MAX: variants seen among roughly 807,000 people sequenced by gnomAD.
MAX encodes the protein protein max.
MAX carries 3 observed loss-of-function variants against 22.3 expected under a neutral mutation model. The ratio of observed to expected loss-of-function variants is 0.13; its 90% CI spans 0.06 to 0.35. The LOEUF (loss-of-function observed/expected upper bound fraction) is 0.35, where lower values mean the gene tolerates loss of function less well. Ranked by LOEUF, MAX falls within the 10% of genes least tolerant of loss-of-function variation. The probability of loss-of-function intolerance (pLI) is 1.00; values close to 1 mark genes in which losing one functional copy is unlikely to be tolerated. For synonymous variants in MAX, 72 were observed against 77.7 expected (o/e 0.93, Z 0.39); for missense variants, 119 against 209.4 (o/e 0.57, Z 2.66).
At chr14:65,090,546 G>C (rs1201281519) in intron 3 of MAX, 3 of 151,362 alleles carry the variant, frequency 2.0e-5, no homozygotes, top group Non-Finnish European at 4.4e-5. Context: ...GTCTCACTCT[G>C]TCATCCAGGC....
In MAX at chr14:65,009,595, C is replaced by T. The variant is rs185699526; in HGVS notation, c.172-3311G>A. ...CCTTATTCCAGGCTCACCTCTCCTA[C>T]TATACCCTCATCCCAGCCCTCCTCC... On this transcript the variant is annotated intron_variant, in intron 3 of 3. Coordinates refer to the MAX transcript ENST00000341653. The surrounding 1 kb of genome is among the most constrained non-coding windows in gnomAD (Gnocchi z 4.2). Among the ~76,000 whole-genome samples the T allele has an allele frequency of 6.6e-6, 1 of 152,296 alleles. No homozygotes were observed. Among genetic ancestry groups the T allele is most frequent in the East Asian group, 1.9e-4 (1 of 5,182 alleles).
At chr14:65,075,116 C>T, downstream of MAX, 4 of 1,015,114 alleles carry the variant, frequency 3.9e-6, no homozygotes, top group Non-Finnish European at 4.7e-6. This position sits in a 1 kb window ranked among gnomAD's most constrained non-coding sequence, Gnocchi z 4.1. Flanking sequence ...TAAGAAGACA[C>T]CACCACCAAG....
At position 65,054,723 on chromosome 14, in the gene MAX, C is replaced by G; in HGVS notation, c.171+38985G>C. ...GGTGCAGGGCTTCACACCCCTTCTC[C>G]ACAGGGACCTCGCGGACAGAAGGCT... On this transcript the variant is annotated intron_variant, in intron 3 of 3. Coordinates refer to the MAX transcript ENST00000341653. This position sits in a 1 kb window ranked among gnomAD's most constrained non-coding sequence, Gnocchi z 4.4. The G allele has an allele frequency of 6.4e-7, 1 of 1,574,748 alleles. No individual in the cohort carries two copies. The highest frequency in any genetic ancestry group is 8.6e-7 in the Non-Finnish European group (1 of 1,158,046).
rs1191619661 is a variant in MAX, at chr14:65,031,504, G to C, written c.172-25220C>G. ...AGCTAATTTTTGTGTTTTTAGTGGA[G>C]ACGGGGTTTCGCAATATTGGTCAGG... On this transcript the variant is annotated intron_variant, in intron 3 of 3. Transcript: ENST00000341653. This position sits in a 1 kb window ranked among gnomAD's most constrained non-coding sequence, Gnocchi z 4.6. Among the ~76,000 whole-genome samples, 1 of 152,006 alleles carries C rather than the reference G, an allele frequency of 6.6e-6. No homozygotes were observed. Among genetic ancestry groups the C allele is most frequent in the South Asian group, 2.1e-4 (1 of 4,824 alleles).
chr14:65,054,745 G>A lies in MAX; in HGVS notation c.171+38963C>T. ...CTCCACAGGGACCTCGCGGACAGAA[G>A]GCTTTCCAAGTAAGCAGAACTGGCT... On this transcript the variant is annotated intron_variant, in intron 3 of 3. Transcript: ENST00000341653. The surrounding 1 kb of genome is among the most constrained non-coding windows in gnomAD (Gnocchi z 4.4). The A allele has an allele frequency of 6.5e-7, 1 of 1,536,194 alleles. No homozygotes were observed. The highest frequency in any genetic ancestry group is 8.8e-7 in the Non-Finnish European group (1 of 1,131,728).
intron 3 of MAX, among the ~76,000 whole-genome samples, chr14:65,067,351 T>G (rs986725479): frequency 6.6e-6 from 1 of 152,180 alleles, no homozygotes; most frequent in Non-Finnish European, 1.5e-5. Flanking sequence ...TGAACCAATT[T>G]TGATACATTA....
chr14:65,031,877 T>C lies in MAX; in HGVS notation c.172-25593A>G, dbSNP rs1039358542. 3.3e-5 allele frequency among the ~76,000 whole-genome samples: 5 copies of C among 152,014 alleles called. No individual in the cohort carries two copies. Among genetic ancestry groups the C allele is most frequent in the Admixed American group, 1.3e-4 (2 of 15,272 alleles). On this transcript the variant is annotated intron_variant, in intron 3 of 3. Coordinates refer to the MAX transcript ENST00000341653. This position sits in a 1 kb window ranked among gnomAD's most constrained non-coding sequence, Gnocchi z 4.6. ...CGGAGGTTGCAGTGAGCTGAGATCA[T>C]ACCACTGCACTCTAGCCTGGGCGAC...
At chr14:65,057,771 A>G (rs1022695814) in intron 3 of MAX, among the ~76,000 whole-genome samples, 1 of 152,112 alleles carries the variant, frequency 6.6e-6, no homozygotes, top group African/African-American at 2.4e-5. Flanking sequence ...TTTTTTCCAT[A>G]TGGATAACCA....
chr14:65,040,234 TTGA>T (rs1309130270), intron 3 of MAX, among the ~76,000 whole-genome samples: 1 of 150,942 alleles, frequency 6.6e-6, no homozygotes, highest in African/African-American at 2.4e-5. Flanking sequence ...TTATTTTAAC[TTGA>T]TGGTTATCAC....
At chr14:65,010,002 T>C (rs947594372) in intron 3 of MAX, among the ~76,000 whole-genome samples, 12 of 152,172 alleles carry the variant, frequency 7.9e-5, no homozygotes, top group Admixed American at 2.6e-4. Flanking sequence ...GAGTGGACTT[T>C]CCTGAAAGAG....
At chr14:65,037,411 T>C (rs1228210230) in intron 3 of MAX, among the ~76,000 whole-genome samples, 14 of 81,312 alleles carry the variant, frequency 1.7e-4, no homozygotes, top group Admixed American at 2.9e-4. Context: ...CCCTTTTTTT[T>C]TTTTTTTTTT....
chr14:65,075,435 T>C lies in MAX; in HGVS notation c.*1041A>G, dbSNP rs1447592259. 3 of 1,063,866 alleles carry C rather than the reference T, an allele frequency of 2.8e-6. No individual in the cohort carries two copies. The highest frequency in any genetic ancestry group is 3.4e-6 in the Non-Finnish European group (3 of 878,224). The allele number at this position is 1,063,866 out of a possible 1,614,324, so 65.9% of individuals were successfully genotyped here. On this transcript the variant is annotated 3_prime_UTR_variant, in exon 5 of 5. Coordinates refer to ENST00000358664, the MANE Select transcript of MAX (RefSeq NM_002382.5). This position sits in a 1 kb window ranked among gnomAD's most constrained non-coding sequence, Gnocchi z 4.1. ...GTAGGAAAGGAAGTGGGATGAGGGCTGGGAAGGGTCCGCACTGGGGTGCGG... is the reference window on the plus strand; with the variant it reads ...GTAGGAAAGGAAGTGGGATGAGGGCCGGGAAGGGTCCGCACTGGGGTGCGG...
rs2061728580 is a variant in MAX, at chr14:65,014,049, A to C, written c.172-7765T>G. Among the ~76,000 whole-genome samples the C allele has an allele frequency of 6.6e-6, 1 of 152,218 alleles. No homozygotes were observed. Among genetic ancestry groups the C allele is most frequent in the African/African-American group, 2.4e-5 (1 of 41,460 alleles). Reference sequence around the variant, plus strand: ...CAGCCTACCTTCCAGGTGGTGGGTTAGCCACAGCTTGGGATATCAGCATAG... The same window carrying C: ...CAGCCTACCTTCCAGGTGGTGGGTTCGCCACAGCTTGGGATATCAGCATAG... On this transcript the variant is annotated intron_variant, in intron 3 of 3. Transcript: ENST00000341653. The surrounding 1 kb of genome is among the most constrained non-coding windows in gnomAD (Gnocchi z 5.1).
Position 65,054,452 on chromosome 14 carries a change from C to G in MAX, c.171+39256G>C. 4.0e-6 allele frequency: 4 copies of G among 992,798 alleles called. No individual in the cohort carries two copies. In the Admixed American group the frequency reaches 8.9e-5, roughly 22 times the overall value. 61.5% of individuals were successfully genotyped at this position (992,798 alleles called of 1,614,324 possible). ...CACTGCTGGGAAAACCATGCCTCCT[C>G]TAGCCACATGGAGGATGGGGGGGGA... On this transcript the variant is annotated intron_variant, in intron 3 of 3. Transcript: ENST00000341653. This position sits in a 1 kb window ranked among gnomAD's most constrained non-coding sequence, Gnocchi z 4.4.
chr14:65,027,432 G>C lies in MAX; in HGVS notation c.172-21148C>G, dbSNP rs2062003888. On this transcript the variant is annotated intron_variant, in intron 3 of 3. Transcript: ENST00000341653. This position sits in a 1 kb window ranked among gnomAD's most constrained non-coding sequence, Gnocchi z 5.7. ...ATGAATGCTCTCTGACTTTGTTTTT[G>C]CCCTTTGGCTGTGTACCTAGTGTGT... 6.2e-7 allele frequency: 1 copy of C among 1,610,632 alleles called. No individual in the cohort carries two copies. The highest frequency in any genetic ancestry group is 1.3e-5 in the African/African-American group (1 of 74,650).
intron 3 of MAX, among the ~76,000 whole-genome samples, chr14:65,045,032 C>CA (rs765849816): frequency 2.6e-5 from 4 of 152,170 alleles, no homozygotes; most frequent in Non-Finnish European, 5.9e-5. Flanking sequence ...GTTCCACCTG[C>CA]ACCATTGGAG....
chr14:65,039,278 T>C (rs1172137750), intron 3 of MAX, among the ~76,000 whole-genome samples: 1 of 152,208 alleles, frequency 6.6e-6, no homozygotes, highest in Non-Finnish European at 1.5e-5. Flanking sequence ...GGCAGCCTTG[T>C]GTGAAATACA....
At chr14:65,008,676 TA>T (rs971689540) in intron 3 of MAX, among the ~76,000 whole-genome samples, 7 of 152,300 alleles carry the variant, frequency 4.6e-5, no homozygotes, top group African/African-American at 1.7e-4. Flanking sequence ...CAGCATGTGC[TA>T]AAGCCAGGAG....
intron 2 of MAX, among the ~76,000 whole-genome samples, chr14:65,096,195 T>C (rs1207224796): frequency 6.6e-6 from 1 of 152,174 alleles, no homozygotes; most frequent in Admixed American, 6.5e-5. Context: ...GGAATTTCTG[T>C]AGTGGTTCCA....
Sources: allele counts gnomAD v4.1 joint callset (sites outside exome capture counted in the v4.1 genomes callset), GRCh38; gene constraint gnomAD v4.1.1; non-coding constraint Gnocchi (gnomAD v3.1); transcripts MANE v1.5; gene names NCBI Gene and HGNC (gene_info 2026-07-23, HGNC 2026-07-21).